Variants in PIK3C2G observed in about 807,000 individuals in gnomAD.
PIK3C2G encodes phosphatidylinositol-4-phosphate 3-kinase catalytic subunit type 2 gamma.
Under a neutral mutation model 181.1 loss-of-function variants are expected in PIK3C2G, and 168 were observed. The observed-to-expected ratio is 0.93, with a 90% CI of 0.82 to 1.05. The LOEUF (loss-of-function observed/expected upper bound fraction) is 1.05, where lower values mean the gene tolerates loss of function less well. Ranked by LOEUF, PIK3C2G falls within the 50% of genes least tolerant of loss-of-function variation. PIK3C2G has a pLI of 0.00. For synonymous variants in PIK3C2G, 573 were observed against 592.2 expected, an observed-to-expected ratio of 0.97 and a Z score of 0.47; for missense variants, 1,869 against 1,732.8, an observed-to-expected ratio of 1.08 and a Z score of -1.40.
At chr12:18,459,402 T>A (rs1947801951) in intron 18 of PIK3C2G, among the ~76,000 whole-genome samples, 1 of 152,202 alleles carries the variant, frequency 6.6e-6, no homozygotes, top group Non-Finnish European at 1.5e-5. Flanking sequence ...CTAGCCTATG[T>A]TAGGAAGCAA....
chr12:18,403,109 A>G (rs1944342047), intron 16 of PIK3C2G, among the ~76,000 whole-genome samples: 1 of 152,178 alleles, frequency 6.6e-6, no homozygotes, highest in South Asian at 2.1e-4. Context: ...TGGCTATCCT[A>G]AACGGTTTTT....
chr12:18,280,205 G>T (rs1410407711), intron 1 of PIK3C2G, among the ~76,000 whole-genome samples: 7 of 151,974 alleles, frequency 4.6e-5, no homozygotes, highest in Non-Finnish European at 8.8e-5. Context: ...CAACAAATGA[G>T]CATCTACTAT....
intron 28 of PIK3C2G, among the ~76,000 whole-genome samples, chr12:18,566,559 G>C (rs1482707257): frequency 6.6e-6 from 1 of 152,154 alleles, no homozygotes; most frequent in Non-Finnish European, 1.5e-5. Context: ...TAGTGTAATG[G>C]TGTCTCTAGT....
chr12:18,413,158 G>C (rs1289072740), intron 16 of PIK3C2G, among the ~76,000 whole-genome samples: 1 of 152,028 alleles, frequency 6.6e-6, no homozygotes, highest in East Asian at 1.9e-4. Context: ...TTCAAGTGTA[G>C]ATAATTTCTT....
chr12:18,262,084 A>G (rs73341223), intron 1 of PIK3C2G, among the ~76,000 whole-genome samples: 2,732 of 151,650 alleles, frequency 0.018, 88 homozygotes, highest in African/African-American at 0.062. Flanking sequence ...ACTAGAAGCA[A>G]CTCCTGCTAG....
chr12:18,497,441 T>C (rs1941102265), intron 21 of PIK3C2G, among the ~76,000 whole-genome samples, 178 bp from the exon 22 acceptor site: 1 of 152,292 alleles, frequency 6.6e-6, no homozygotes. Context: ...GAAGTTCTCA[T>C]TTAAAAATTT....
the PIK3C2G span, among the ~76,000 whole-genome samples, chr12:18,653,935 G>A: frequency 6.6e-6 from 1 of 152,070 alleles, no homozygotes; most frequent in Non-Finnish European, 1.5e-5. Flanking sequence ...ATACCTGTCA[G>A]CCTTCTGGCT....
intron 31 of PIK3C2G, among the ~76,000 whole-genome samples, chr12:18,624,631 A>G (rs1315922155): frequency 6.6e-6 from 1 of 151,648 alleles, no homozygotes; most frequent in Non-Finnish European, 1.5e-5. Context: ...TCTTCATTAA[A>G]TATTTGATAG....
chr12:18,671,168 G>A, the PIK3C2G span, among the ~76,000 whole-genome samples: 278 of 143,354 alleles, frequency 1.9e-3, 1 homozygote, highest in African/African-American at 7.0e-3. Context: ...CAGCCCGGGT[G>A]ACAGGGTGAG....
At chr12:18,636,980 G>A (rs1159595002) in intron 31 of PIK3C2G, among the ~76,000 whole-genome samples, 1 of 152,200 alleles carries the variant, frequency 6.6e-6, no homozygotes, top group Non-Finnish European at 1.5e-5. Context: ...AATTGAAGAA[G>A]TAACCATAGG....
intron 29 of PIK3C2G, among the ~76,000 whole-genome samples, chr12:18,572,474 A>C (rs1946005767): frequency 6.6e-6 from 1 of 150,626 alleles, no homozygotes; most frequent in African/African-American, 2.4e-5. Flanking sequence ...GATATATATA[A>C]ATGTAATCTG....
chr12:18,498,233 G>A (rs1275687368), intron 22 of PIK3C2G, among the ~76,000 whole-genome samples: 1 of 152,178 alleles, frequency 6.6e-6, no homozygotes, highest in Non-Finnish European at 1.5e-5. Context: ...GGCCACACAT[G>A]TAAATATTGA....
chr12:18,700,023 A>G, the PIK3C2G span: 1 of 1,237,622 alleles, frequency 8.1e-7, no homozygotes, highest in Admixed American at 2.0e-5. Context: ...TAGTAAAGAA[A>G]ATACACTTTC....
chr12:18,370,534 C>T (rs1941973567), intron 12 of PIK3C2G, among the ~76,000 whole-genome samples: 1 of 152,104 alleles, frequency 6.6e-6, no homozygotes, highest in Admixed American at 6.5e-5. Flanking sequence ...TACACTTTGG[C>T]TGTTATCTTT....
At chr12:18,633,271 A>T (rs527990225) in intron 31 of PIK3C2G, among the ~76,000 whole-genome samples, 21 of 152,372 alleles carry the variant, frequency 1.4e-4, no homozygotes, top group African/African-American at 3.6e-4. Context: ...AAATATATAC[A>T]TAAACACATG....
chr12:18,719,464 A>T, the PIK3C2G span: 1 of 1,558,354 alleles, frequency 6.4e-7, no homozygotes, highest in Admixed American at 1.8e-5. Context: ...TGGTCCCAAT[A>T]ATTGATCAGA....
At chr12:18,698,044 C>T in the PIK3C2G span, among the ~76,000 whole-genome samples, 2 of 151,300 alleles carry the variant, frequency 1.3e-5, no homozygotes, top group Non-Finnish European at 1.5e-5. Context: ...GCTGTGCCTA[C>T]AGGTCCTGTC....
At chr12:18,495,955 A>G in intron 20 of PIK3C2G, 107 bp from the exon 21 acceptor site, 2 of 552,562 alleles carry the variant, frequency 3.6e-6, no homozygotes, top group Admixed American at 4.0e-5. Context: ...ATTTGTTCAT[A>G]CAACAAAGTC....
chr12:18,560,029 G>A (rs1945266537), intron 26 of PIK3C2G, among the ~76,000 whole-genome samples: 1 of 151,266 alleles, frequency 6.6e-6, no homozygotes, highest in African/African-American at 2.4e-5. Flanking sequence ...ATTTTTAGTA[G>A]AGATGGGGTT....
Sources: gnomAD v4.1 joint callset for allele counts (sites outside exome capture counted in the v4.1 genomes callset) on GRCh38, gnomAD v4.1.1 for gene constraint, MANE v1.5 for transcripts, NCBI Gene and HGNC (gene_info 2026-07-23, HGNC 2026-07-21) for gene names.